USP25: variants seen among roughly 807,000 people sequenced by gnomAD.
USP25 encodes ubiquitin carboxyl-terminal hydrolase 25.
Under a neutral mutation model 158.5 loss-of-function variants are expected in USP25, and 85 were observed. The observed-to-expected ratio is 0.54, with a 90% CI of 0.45 to 0.64. The LOEUF is 0.64. Ranked by LOEUF, USP25 falls within the 30% of genes least tolerant of loss-of-function variation. USP25 has a pLI of 0.00. For synonymous variants in USP25, 464 were observed against 460.4 expected (o/e 1.01, Z -0.10); for missense variants, 1,242 against 1,327.3 (o/e 0.94, Z 1.00).
chr21:15,795,587 C>T (rs984557339), intron 5 of USP25, among the ~76,000 whole-genome samples: 9 of 151,404 alleles, frequency 5.9e-5, no homozygotes, highest in Non-Finnish European at 1.2e-4. Context: ...TGGGATTGGT[C>T]GATGTGGGTA....
chr21:15,733,467 T>C (rs1308826010), intron 1 of USP25, among the ~76,000 whole-genome samples: 1 of 152,010 alleles, frequency 6.6e-6, no homozygotes, highest in East Asian at 1.9e-4. Context: ...GCATGGTGGC[T>C]CATGCTTTAA....
intron 20 of USP25, 30 bp from the exon 21 acceptor site, chr21:15,864,238 C>A: frequency 1.9e-6 from 3 of 1,578,384 alleles, no homozygotes; most frequent in Non-Finnish European, 2.6e-6. Flanking sequence ...AATAATTAAC[C>A]AAAATTATCA....
At chr21:15,735,996 G>GTGTC (rs1555819622) in intron 1 of USP25, among the ~76,000 whole-genome samples, 2 of 151,610 alleles carry the variant, frequency 1.3e-5, no homozygotes, top group African/African-American at 4.9e-5. Context: ...GTGTGTGTGT[G>GTGTC]TGTGTGTATG....
In USP25 at chr21:15,831,544, A is replaced by G. The variant is rs778425033; in HGVS notation, c.1908A>G (p.Leu636=). The G allele has an allele frequency of 1.2e-6, 2 of 1,614,112 alleles. No individual in the cohort carries two copies. The highest frequency in any genetic ancestry group is 1.7e-5 in the Admixed American group (1 of 60,030). The change falls in exon 16 of 26, where the codon CTA becomes CTG. Residue 636 remains leucine (L), a synonymous_variant. Transcript: ENST00000400183. ...IAVTKSSWEE[L]VRDSFGGYRN... is the part of the protein sequence containing the mutation. ...TGACAAAATCATCATGGGAAGAGCTAGTGAGGGACTCTTTTGGTGGTTATA... is the reference window on the plus strand; with the variant it reads ...TGACAAAATCATCATGGGAAGAGCTGGTGAGGGACTCTTTTGGTGGTTATA...
chr21:15,741,063 G>C (rs937793384), intron 1 of USP25, among the ~76,000 whole-genome samples: 1 of 151,774 alleles, frequency 6.6e-6, no homozygotes. Context: ...GGCAACTGTT[G>C]ATCTGATTTT....
chr21:15,871,733 C>T (rs1207712473), intron 23 of USP25, among the ~76,000 whole-genome samples: 3 of 152,030 alleles, frequency 2.0e-5, no homozygotes, highest in Non-Finnish European at 4.4e-5. Flanking sequence ...TTTTCAAATA[C>T]ATACTTATTC....
chr21:15,814,849 A>G (rs1284726517), intron 9 of USP25, among the ~76,000 whole-genome samples: 1 of 152,134 alleles, frequency 6.6e-6, no homozygotes, highest in Non-Finnish European at 1.5e-5. Context: ...TTGAGGAGAA[A>G]TTCAAGTCGT....
chr21:15,798,457 T>G (rs2035969142), intron 5 of USP25, among the ~76,000 whole-genome samples: 1 of 151,256 alleles, frequency 6.6e-6, no homozygotes, highest in Non-Finnish European at 1.5e-5. Flanking sequence ...TTCCTGTGAT[T>G]TTTAAATGGT....
chr21:15,823,082 TCTTAA>T (rs1271766208), intron 10 of USP25, among the ~76,000 whole-genome samples: 11 of 152,072 alleles, frequency 7.2e-5, no homozygotes, highest in Non-Finnish European at 1.3e-4. Context: ...TTTGGTATAT[TCTTAA>T]CTTATTGACA....
rs73357295 is a variant in USP25, at chr21:15,790,542, A to G, written c.393-960A>G. Among the ~76,000 whole-genome samples, 529 of 152,062 alleles carry G rather than the reference A, an allele frequency of 3.5e-3. 1 individual carries two copies. Among genetic ancestry groups the G allele is most frequent in the African/African-American group, 0.012 (495 of 41,530 alleles). On this transcript the variant is annotated intron_variant, in intron 4 of 25. Transcript: ENST00000400183. Reference sequence around the variant, plus strand: ...ATGAATGAGATTTTCTTGATAAACCAAAAAGTTGAAAAAAACTAATCTTTA... The same window carrying G: ...ATGAATGAGATTTTCTTGATAAACCGAAAAGTTGAAAAAAACTAATCTTTA...
At chr21:15,784,627 G>C (rs941391563) in intron 4 of USP25, among the ~76,000 whole-genome samples, 1 of 152,074 alleles carries the variant, frequency 6.6e-6, no homozygotes, top group Non-Finnish European at 1.5e-5. Context: ...AATCATGGTG[G>C]GGTAGGGGAG....
chr21:15,824,158 T>C lies in USP25; in HGVS notation c.1200T>C (p.Tyr400=). Residue 400 remains tyrosine, a synonymous_variant, in exon 11 of 26, where the codon TAT becomes TAC. Coordinates refer to ENST00000400183, the MANE Select transcript of USP25 (RefSeq NM_001283041.3). Reference sequence around the variant, plus strand: ...AATTAGAATTTCCCCAAGTTTTATATTTGGACAGGTATGGTTTGATATACT... The same window carrying C: ...AATTAGAATTTCCCCAAGTTTTATACTTGGACAGGTATGGTTTGATATACT... The part of the protein sequence containing the change: ...HNKLEFPQVL[Y]LDRYMHRNRE... The C allele has an allele frequency of 6.2e-7, 1 of 1,612,382 alleles. No individual in the cohort carries two copies. The highest frequency in any genetic ancestry group is 8.5e-7 in the Non-Finnish European group (1 of 1,179,734).
chr21:15,818,029 T>C (rs2037036036), intron 9 of USP25, among the ~76,000 whole-genome samples: 1 of 152,208 alleles, frequency 6.6e-6, no homozygotes, highest in Admixed American at 6.5e-5. Flanking sequence ...AACCTCCTGT[T>C]AGTTCCTAAA....
chr21:15,791,543 A>G lies in USP25; in HGVS notation c.434A>G (p.Lys145Arg), dbSNP rs558013433. The G allele has an allele frequency of 8.1e-6, 13 of 1,610,998 alleles. No homozygotes were observed. The East Asian group carries it at 2.9e-4, about 36-fold the overall frequency. The change falls in exon 5 of 26, where the codon AAG becomes AGG. Residue 145 changes from lysine (K) to arginine (R), a missense_variant. Transcript: ENST00000400183. Reference sequence around the variant, plus strand: ...ATAGCAGAGAATAAAGCATGTTTGAAGAGGACACCTACAGAAGTTTGGAGG... The same window carrying G: ...ATAGCAGAGAATAAAGCATGTTTGAGGAGGACACCTACAGAAGTTTGGAGG... ...ASIAENKACL[K>R]RTPTEVWRDS...
chr21:15,752,382 A>G (rs2033086434), intron 1 of USP25, among the ~76,000 whole-genome samples: 1 of 151,656 alleles, frequency 6.6e-6, no homozygotes, highest in South Asian at 2.1e-4. Flanking sequence ...TGCCTGGCTA[A>G]TTTTTGTATT....
intron 20 of USP25, among the ~76,000 whole-genome samples, chr21:15,862,961 C>T (rs2039496477): frequency 6.6e-6 from 1 of 151,528 alleles, no homozygotes; most frequent in African/African-American, 2.4e-5. Context: ...AACATCTAGA[C>T]GTCAAAGAAT....
chr21:15,808,940 T>A, intron 8 of USP25, 55 bp downstream of exon 8: 1 of 1,234,904 alleles, frequency 8.1e-7, no homozygotes, highest in Non-Finnish European at 1.2e-6. Context: ...AGATAGCATG[T>A]ATTAAATGTC....
rs1232417759 is a variant in USP25 at position 15,879,454 on chromosome 21, A to G, written c.*979A>G. ...AATTGAAAATGTTCTCTACTAATTA[A>G]TACTGTGAAACAAAATTGATGTTGT... On this transcript the variant is annotated 3_prime_UTR_variant, in exon 26 of 26. Transcript: ENST00000400183. 6.6e-6 allele frequency: 1 copy of G among 152,476 alleles called. No individual in the cohort carries two copies. Among genetic ancestry groups the G allele is most frequent in the Non-Finnish European group, 1.5e-5 (1 of 67,932 alleles). 9.4% of individuals were successfully genotyped at this position (152,476 alleles called of 1,614,324 possible). A position where few individuals can be genotyped will look rare whatever the true frequency, so the allele number is the denominator to read the frequency against.
rs1174467490 is a variant in USP25, at chr21:15,778,038, A to G, written c.392+11A>G. The G allele has an allele frequency of 1.9e-6, 3 of 1,588,332 alleles. No individual in the cohort carries two copies. Among genetic ancestry groups the G allele is most frequent in the South Asian group, 1.2e-5 (1 of 85,906 alleles). On this transcript the variant is annotated intron_variant, in intron 4 of 25. Coordinates refer to ENST00000400183, the MANE Select transcript of USP25 (RefSeq NM_001283041.3). ...ACAAGCCATTAGCAGGTAAAAACATAATTTGTATAAAGCAGATATAAGTAC... is the reference window on the plus strand; with the variant it reads ...ACAAGCCATTAGCAGGTAAAAACATGATTTGTATAAAGCAGATATAAGTAC...
Sources: gnomAD v4.1 joint callset for allele counts (sites outside exome capture counted in the v4.1 genomes callset) on GRCh38, gnomAD v4.1.1 for gene constraint, MANE v1.5 for transcripts, NCBI Gene and HGNC (gene_info 2026-07-23, HGNC 2026-07-21) for gene names.